Variants in CSPP1 observed in about 807,000 individuals in gnomAD.
CSPP1 encodes centrosome and spindle pole associated protein 1, also known as centrosome and spindle pole-associated protein 1.
CSPP1 carries 126 observed loss-of-function variants against 164.4 expected under a neutral mutation model. That is an observed-to-expected ratio of 0.77 (90% CI 0.66 to 0.89). The LOEUF is 0.89. Among genes scored for constraint, CSPP1 ranks in the 40% least tolerant of loss-of-function variants. The pLI, the probability that CSPP1 is intolerant of heterozygous loss-of-function variation, is 0.00. For synonymous variants in CSPP1, 472 were observed against 476.7 expected, an observed-to-expected ratio of 0.99 and a Z score of 0.13; for missense variants, 1,395 against 1,449.8, an observed-to-expected ratio of 0.96 and a Z score of 0.61.
At chr8:67,081,632 C>T (rs1209111323) in intron 3 of CSPP1, among the ~76,000 whole-genome samples, 1 of 152,174 alleles carries the variant, frequency 6.6e-6, no homozygotes, top group Non-Finnish European at 1.5e-5. Flanking sequence ...GTATTATTAA[C>T]AATAATCAAT....
rs1586254946 is a variant in CSPP1 at position 67,118,986 on chromosome 8, A to G, written c.1697+165A>G. On this transcript the variant is annotated intron_variant, in intron 15 of 30. Transcript: ENST00000678616. ...ACAATCCATCTTCAGAACTCTTTTCATCTTGTAAACTGAAACTCTATACCC... is the reference window on the plus strand; with the variant it reads ...ACAATCCATCTTCAGAACTCTTTTCGTCTTGTAAACTGAAACTCTATACCC... Among the ~76,000 whole-genome samples, 3 of 152,234 alleles carry G rather than the reference A, an allele frequency of 2.0e-5. No individual in the cohort carries two copies. In the East Asian group the frequency reaches 5.8e-4, roughly 29 times the overall value.
In CSPP1 at chr8:67,159,034, G is replaced by A. The variant is rs1251717089; in HGVS notation, c.2435G>A (p.Arg812Lys). Residue 812 changes from arginine to lysine, a missense_variant, in exon 21 of 31, where the codon AGA becomes AAA. Arg to Lys is a conservative substitution (Grantham distance 26). Transcript: ENST00000678616. ...GAGCATATTCGGTTAGCTGAAGAAAGACAAAAAGAAGCAGAAAGAAAGAAG... is the reference window on the plus strand; with the variant it reads ...GAGCATATTCGGTTAGCTGAAGAAAAACAAAAAGAAGCAGAAAGAAAGAAG... ...NEEHIRLAEE[R>K]QKEAERKKKE... 5 of 1,611,612 alleles carry A rather than the reference G, an allele frequency of 3.1e-6. No individual in the cohort carries two copies. In the East Asian group the frequency reaches 1.1e-4, roughly 36 times the overall value.
chr8:67,099,917 T>G (rs779353507), intron 7 of CSPP1, among the ~76,000 whole-genome samples: 1 of 152,148 alleles, frequency 6.6e-6, no homozygotes, highest in African/African-American at 2.4e-5. Flanking sequence ...GGTCTTACAT[T>G]GGTAATTTAA....
chr8:67,184,923 T>C (rs574446011), intron 28 of CSPP1, among the ~76,000 whole-genome samples: 28 of 117,604 alleles, frequency 2.4e-4, no homozygotes, highest in Non-Finnish European at 3.7e-4. Flanking sequence ...CACGGTGAAA[T>C]CATGTCTCTA....
intron 17 of CSPP1, among the ~76,000 whole-genome samples, chr8:67,147,301 T>A (rs1461382640): frequency 6.6e-6 from 1 of 152,212 alleles, no homozygotes; most frequent in East Asian, 1.9e-4. Flanking sequence ...GCCTTGCCAG[T>A]CCTTGGCACT....
intron 4 of CSPP1, among the ~76,000 whole-genome samples, chr8:67,087,407 G>A (rs925028498): frequency 3.9e-5 from 6 of 152,172 alleles, no homozygotes; most frequent in Admixed American, 2.6e-4. Context: ...GATATATCAG[G>A]TATGCATCCT....
chr8:67,192,323 C>T (rs1428252645), intron 29 of CSPP1, among the ~76,000 whole-genome samples: 2 of 152,168 alleles, frequency 1.3e-5, no homozygotes, highest in Non-Finnish European at 2.9e-5. Flanking sequence ...GATCCACCTG[C>T]CTCGGCCTCC....
chr8:67,193,379 T>C lies in CSPP1; in HGVS notation c.3331-85T>C, dbSNP rs946485957. On this transcript the variant is annotated intron_variant, in intron 29 of 30. Coordinates refer to ENST00000678616, the MANE Select transcript of CSPP1 (RefSeq NM_001382391.1). Reference sequence around the variant, plus strand: ...CCCAAAGTGCTGGGATCACAGGTGATAGGCACCATGCCTGGCCCTGATTCA... The same window carrying C: ...CCCAAAGTGCTGGGATCACAGGTGACAGGCACCATGCCTGGCCCTGATTCA... 10 of 1,233,728 alleles carry C rather than the reference T, an allele frequency of 8.1e-6. 1 individual carries two copies. Among genetic ancestry groups the C allele is most frequent in the Middle Eastern group, 3.9e-4 (2 of 5,114 alleles). 76.4% of individuals were successfully genotyped at this position (1,233,728 alleles called of 1,614,324 possible).
chr8:67,159,112 A>ACAATTTGATTGGGGAAG lies in CSPP1; in HGVS notation c.2514_2530dup (p.Glu844AlafsTer3). 1.2e-6 allele frequency: 2 copies of ACAATTTGATTGGGGAAG among 1,601,032 alleles called. No homozygotes were observed. The highest frequency in any genetic ancestry group is 1.7e-6 in the Non-Finnish European group (2 of 1,176,898). On this transcript the variant is annotated frameshift_variant, in exon 21 of 31. Transcript: ENST00000678616. LOFTEE classifies it high-confidence loss of function. ...CAACTTCAGCACTACTGTGAAAGAGACAATTTGATTGGGGAAGAAACAAAG... is the reference window on the plus strand; with the variant it reads ...CAACTTCAGCACTACTGTGAAAGAGACAATTTGATTGGGGAAGCAATTTGATTGGGGAAGAAACAAAG...
chr8:67,092,686 A>G (rs1178458320), intron 5 of CSPP1, among the ~76,000 whole-genome samples: 1 of 151,930 alleles, frequency 6.6e-6, no homozygotes, highest in Admixed American at 6.6e-5. Flanking sequence ...CTCGTGATCC[A>G]CCCGCCTCAG....
intron 24 of CSPP1, among the ~76,000 whole-genome samples, chr8:67,169,044 G>A (rs1267576621): frequency 2.0e-5 from 3 of 152,164 alleles, no homozygotes; most frequent in Non-Finnish European, 1.5e-5. Flanking sequence ...TAGAGCAGGG[G>A]CATTGTCTGT....
intron 8 of CSPP1, among the ~76,000 whole-genome samples, chr8:67,103,348 T>C (rs958709403): frequency 6.6e-6 from 1 of 152,164 alleles, no homozygotes; most frequent in Admixed American, 6.5e-5. Context: ...CAAGTTTTGG[T>C]TATAAAGTGT....
At chr8:67,172,615 T>TTGTTTTTCA in intron 25 of CSPP1, 60 bp downstream of exon 25, 2 of 1,369,630 alleles carry the variant, frequency 1.5e-6, no homozygotes. Flanking sequence ...TATTTAAATA[T>TTGTTTTTCA]CTATAAAGAT....
Position 67,159,126 on chromosome 8 carries a change from G to A in CSPP1, c.2527G>A (p.Glu843Lys). The change falls in exon 21 of 31, where the codon GAA (glutamate) becomes AAA (lysine). Residue 843 changes from glutamate (E) to lysine (K), a missense_variant. Glu to Lys is a moderately conservative substitution (Grantham distance 56, BLOSUM62 1). Transcript: ENST00000678616. ...HYCERDNLIGEETKHMRQPSP... is the reference protein window; with the variant it reads ...HYCERDNLIGKETKHMRQPSP... The stretch of plus-strand genomic sequence containing the variant: ...CTGTGAAAGAGACAATTTGATTGGG[G>A]AAGAAACAAAGGTAAGTTTCAGACA... 1 of 1,597,490 alleles carries A rather than the reference G, an allele frequency of 6.3e-7. No individual in the cohort carries two copies. Among genetic ancestry groups the A allele is most frequent in the Non-Finnish European group, 8.5e-7 (1 of 1,175,784 alleles).
chr8:67,147,082 T>G (rs1164591118), intron 17 of CSPP1, among the ~76,000 whole-genome samples: 2 of 152,230 alleles, frequency 1.3e-5, no homozygotes, highest in Admixed American at 6.5e-5. Context: ...AAATTAATTT[T>G]CTCTTAATAT....
chr8:67,149,664 T>G, intron 17 of CSPP1, 119 bp from the exon 18 acceptor site: 1 of 628,596 alleles, frequency 1.6e-6, no homozygotes, highest in Non-Finnish European at 2.5e-6. Context: ...TATCATTGAA[T>G]TATTCCCAAC....
In CSPP1 at chr8:67,164,377, A is replaced by G. The variant is rs764645149; in HGVS notation, c.2711-14A>G. On this transcript the variant is annotated splice_polypyrimidine_tract_variant and intron_variant, in intron 23 of 30. Transcript: ENST00000678616. ...TTCCTGTCTTGTGTTTTACTTATCA[A>G]TGGGAATTTGCAGAGGAGAAAAAAA... The G allele has an allele frequency of 2.5e-6, 3 of 1,201,028 alleles. No homozygotes were observed. Among genetic ancestry groups the G allele is most frequent in the Non-Finnish European group, 3.7e-6 (3 of 805,624 alleles). 74.4% of individuals were successfully genotyped at this position (1,201,028 alleles called of 1,614,324 possible).
rs370005430 is a variant in CSPP1 at position 67,127,305 on chromosome 8, G to T, written c.1698-4646G>T. Among the ~76,000 whole-genome samples, 13 of 152,154 alleles carry T rather than the reference G, an allele frequency of 8.5e-5. No homozygotes were observed. The East Asian group carries it at 1.5e-3, about 18-fold the overall frequency. On this transcript the variant is annotated intron_variant, in intron 15 of 30. Transcript: ENST00000678616. ...TGGTTTTGGAGACATAGAAGTCCAG[G>T]ATAAAGGTGTCAGCAGATTTGGTTC...
chr8:67,071,444 C>G (rs1240430149), intron 1 of CSPP1, among the ~76,000 whole-genome samples: 1 of 150,110 alleles, frequency 6.7e-6, no homozygotes, highest in Non-Finnish European at 1.5e-5. Context: ...TTGTTTAGTT[C>G]TGGGTCATCT....
Sources: gnomAD v4.1 joint callset for allele counts (sites outside exome capture counted in the v4.1 genomes callset) on GRCh38, gnomAD v4.1.1 for gene constraint, MANE v1.5 for transcripts, NCBI Gene and HGNC (gene_info 2026-07-23, HGNC 2026-07-21) for gene names.